MAFK: variants seen among roughly 807,000 people sequenced by gnomAD.
MAFK encodes the protein MAF bZIP transcription factor K.
MAFK carries 1 observed loss-of-function variant against 9.2 expected under a neutral mutation model. That is an observed-to-expected ratio of 0.11 (90% CI 0.04 to 0.52). The LOEUF (loss-of-function observed/expected upper bound fraction) is 0.52, where lower values mean the gene tolerates loss of function less well. Ranked by LOEUF, MAFK falls within the 20% of genes least tolerant of loss-of-function variation. The probability of loss-of-function intolerance (pLI) is 0.94; values close to 1 mark genes in which losing one functional copy is unlikely to be tolerated. For synonymous variants in MAFK, 110 were observed against 107.4 expected (o/e 1.02, Z -0.15); for missense variants, 207 against 236.0 (o/e 0.88, Z 0.81).
Position 1,530,890 on chromosome 7 carries a change from C to G in MAFK, c.-53C>G, listed in dbSNP as rs1289480703. ...CCGCCGCGCGCCCGCGCCCTCCGCG[C>G]GACGCCAGGTGAGGGGCGGTGGGGC... On this transcript the variant is annotated 5_prime_UTR_variant, in exon 1 of 3. Transcript: ENST00000343242. 7.1e-6 allele frequency: 1 copy of G among 140,384 alleles called. No individual in the cohort carries two copies. Among genetic ancestry groups the G allele is most frequent in the East Asian group, 2.2e-4 (1 of 4,602 alleles). The allele number at this position is 140,384 out of a possible 1,614,324, so 8.7% of individuals were successfully genotyped here. A position where few individuals can be genotyped will look rare whatever the true frequency, so the allele number is the denominator to read the frequency against.
In MAFK at chr7:1,530,762, G is replaced by C. The variant is rs1018187869; in HGVS notation, c.-181G>C. On this transcript the variant is annotated 5_prime_UTR_variant, in exon 1 of 3. Transcript: ENST00000343242. ...GGCGGCGGGCGGCGCGGGGGCACTT[G>C]TTGTTCTTCGCGAAGTCGGAGCCCG... 13 of 149,170 alleles carry C rather than the reference G, an allele frequency of 8.7e-5. No individual in the cohort carries two copies. The highest frequency in any genetic ancestry group is 2.9e-4 in the African/African-American group (12 of 40,968). 9.2% of individuals were successfully genotyped at this position (149,170 alleles called of 1,614,324 possible). A position where few individuals can be genotyped will look rare whatever the true frequency, so the allele number is the denominator to read the frequency against.
In MAFK at chr7:1,540,881, A is replaced by AC; in HGVS notation, c.*506_*507insC. 1 of 158,652 alleles carries AC rather than the reference A, an allele frequency of 6.3e-6. No individual in the cohort carries two copies. Among genetic ancestry groups the AC allele is most frequent in the Non-Finnish European group, 1.4e-5 (1 of 72,184 alleles). 9.8% of individuals were successfully genotyped at this position (158,652 alleles called of 1,614,324 possible). A position where few individuals can be genotyped will look rare whatever the true frequency, so the allele number is the denominator to read the frequency against. Reference sequence around the variant, plus strand: ...GACTCCGCAGTCCCCGGGGAGGAGCATGGATGGTGTGTCGGCAGCTCCGTC... The same window carrying AC: ...GACTCCGCAGTCCCCGGGGAGGAGCACTGGATGGTGTGTCGGCAGCTCCGTC... On this transcript the variant is annotated 3_prime_UTR_variant, in exon 3 of 3. Coordinates refer to ENST00000343242, the MANE Select transcript of MAFK (RefSeq NM_002360.4).
intron 1 of MAFK, chr7:1,538,303 C>T (rs1032456583): frequency 1.0e-5 from 10 of 985,456 alleles, no homozygotes; most frequent in Non-Finnish European, 1.1e-5. Context: ...AAATGCTCGG[C>T]AGGGCGGCGG....
In MAFK at chr7:1,540,003, G is replaced by A. The variant is rs766542520; in HGVS notation, c.99G>A (p.Ser33=). Residue 33 remains serine (S), a synonymous_variant, in exon 3 of 3, where the codon TCG becomes TCA. Transcript: ENST00000343242. ...GCGATGATGAGCTGGTGTCCATGTC[G>A]GTGCGGGAGCTGAACCAGCACCTGC... ...VLSDDELVSM[S]VRELNQHLRG... The A allele has an allele frequency of 4.1e-5, 64 of 1,557,552 alleles. 1 individual carries two copies. The highest frequency in any genetic ancestry group is 7.2e-5 in the East Asian group (3 of 41,550).
chr7:1,537,777 G>A (rs1026515691), intron 1 of MAFK: 15 of 882,708 alleles, frequency 1.7e-5, no homozygotes, highest in Non-Finnish European at 1.9e-5. Context: ...GAGGGTGGAG[G>A]GATTTGGGCC....
intron 1 of MAFK, 144 bp from the exon 2 acceptor site, chr7:1,539,005 C>T: frequency 3.0e-6 from 2 of 676,956 alleles, no homozygotes; most frequent in South Asian, 1.7e-5. Flanking sequence ...ACGGGCTGGG[C>T]CCGGATGGTG....
Position 1,534,567 on chromosome 7 carries a change from C to T in MAFK, c.-45+3669C>T. 1 of 456,452 alleles carries T rather than the reference C, an allele frequency of 2.2e-6. No homozygotes were observed. Among genetic ancestry groups the T allele is most frequent in the Non-Finnish European group, 4.4e-6 (1 of 226,902 alleles). The allele number at this position is 456,452 out of a possible 1,614,324, so 28.3% of individuals were successfully genotyped here. On this transcript the variant is annotated intron_variant, in intron 1 of 2. Coordinates refer to ENST00000343242, the MANE Select transcript of MAFK (RefSeq NM_002360.4). This position sits in a 1 kb window ranked among gnomAD's most constrained non-coding sequence, Gnocchi z 4.3. ...GCTCCCGTCCTCCGTTCCTGGTCTT[C>T]CTCCTGCCCCTCCTCCCTCTCCCGC...
intron 1 of MAFK, chr7:1,538,520 C>A (rs981972107): frequency 3.8e-6 from 3 of 791,042 alleles, no homozygotes; most frequent in Admixed American, 6.2e-5. Context: ...CCACCCAGGC[C>A]CACCGTGGGG....
rs1392046110 is a variant in MAFK at position 1,534,907 on chromosome 7, T to C, written c.-45+4009T>C. 6.7e-6 allele frequency among the ~76,000 whole-genome samples: 1 copy of C among 149,302 alleles called. No individual in the cohort carries two copies. Among genetic ancestry groups the C allele is most frequent in the East Asian group, 2.0e-4 (1 of 5,124 alleles). On this transcript the variant is annotated intron_variant, in intron 1 of 2. Transcript: ENST00000343242. This position sits in a 1 kb window ranked among gnomAD's most constrained non-coding sequence, Gnocchi z 4.3. Reference sequence around the variant, plus strand: ...CTCAACTCACTTTTGCACTCTCTCTTTTTTTTTTTCCTAAAAGATAAGGTC... The same window carrying C: ...CTCAACTCACTTTTGCACTCTCTCTCTTTTTTTTTCCTAAAAGATAAGGTC...
chr7:1,536,905 G>T (rs980281876), intron 1 of MAFK, among the ~76,000 whole-genome samples: 10 of 152,222 alleles, frequency 6.6e-5, no homozygotes, highest in Non-Finnish European at 1.3e-4. Context: ...GAGGTGGGGG[G>T]CAGGCTTGCG....
chr7:1,535,545 C>T (rs1434501529), intron 1 of MAFK, among the ~76,000 whole-genome samples: 2 of 152,190 alleles, frequency 1.3e-5, no homozygotes, highest in Non-Finnish European at 2.9e-5. Flanking sequence ...GTCCCAGCTG[C>T]TCGGGAGGCT....
chr7:1,532,466 A>G lies in MAFK; in HGVS notation c.-45+1568A>G, dbSNP rs1783926593. On this transcript the variant is annotated intron_variant, in intron 1 of 2. Coordinates refer to ENST00000343242, the MANE Select transcript of MAFK (RefSeq NM_002360.4). This position sits in a 1 kb window ranked among gnomAD's most constrained non-coding sequence, Gnocchi z 4.5. ...AGACCTCTCATTATTCCAAAATAAG[A>G]CATTTATTAAAGCAGAAAAACCAGG... Among the ~76,000 whole-genome samples the G allele has an allele frequency of 6.6e-6, 1 of 152,214 alleles. No individual in the cohort carries two copies. Among genetic ancestry groups the G allele is most frequent in the Non-Finnish European group, 1.5e-5 (1 of 68,046 alleles).
In MAFK at chr7:1,539,235, C is replaced by T; in HGVS notation, c.36+7C>T. ...ACCGAATAAGGCATTAAAGGTAAGG[C>T]TGGTTCCAAGCAGGCCCCGTCTCAA... On this transcript the variant is annotated splice_region_variant and intron_variant, in intron 2 of 2. Coordinates refer to ENST00000343242, the MANE Select transcript of MAFK (RefSeq NM_002360.4). The T allele has an allele frequency of 6.2e-7, 1 of 1,609,678 alleles. No individual in the cohort carries two copies. Among genetic ancestry groups the T allele is most frequent in the Non-Finnish European group, 8.5e-7 (1 of 1,177,986 alleles).
At position 1,534,323 on chromosome 7, in the gene MAFK, TG is replaced by T. The variant is rs1562543624; in HGVS notation, c.-45+3428del. On this transcript the variant is annotated intron_variant, in intron 1 of 2. Coordinates refer to ENST00000343242, the MANE Select transcript of MAFK (RefSeq NM_002360.4). This position sits in a 1 kb window ranked among gnomAD's most constrained non-coding sequence, Gnocchi z 4.3. ...TGACACCTGTTTGACAGGCACCCACTGGGTACCAGTGCCACAGCGGCCCCAC... is the reference window on the plus strand; with the variant it reads ...TGACACCTGTTTGACAGGCACCCACTGGTACCAGTGCCACAGCGGCCCCAC... 2.2e-6 allele frequency: 1 copy of T among 455,142 alleles called. No individual in the cohort carries two copies. The allele number at this position is 455,142 out of a possible 1,614,324, so 28.2% of individuals were successfully genotyped here. A position where few individuals can be genotyped will look rare whatever the true frequency, so the allele number is the denominator to read the frequency against.
At chr7:1,537,325 G>A (rs1268982323) in intron 1 of MAFK, 3 of 953,476 alleles carry the variant, frequency 3.1e-6, no homozygotes, top group Non-Finnish European at 3.7e-6. Flanking sequence ...AGGCCCGGGT[G>A]TGTGGGAATG....
intron 1 of MAFK, among the ~76,000 whole-genome samples, chr7:1,533,296 G>A (rs1783945425): frequency 6.6e-6 from 1 of 152,218 alleles, no homozygotes; most frequent in South Asian, 2.1e-4. Context: ...TGCGGGGCCG[G>A]CTCATCTCGT....
In MAFK at chr7:1,540,348, C is replaced by G. The variant is rs1469449076; in HGVS notation, c.444C>G (p.Thr148=). 1.9e-6 allele frequency: 3 copies of G among 1,602,704 alleles called. No homozygotes were observed. Among genetic ancestry groups the G allele is most frequent in the Non-Finnish European group, 2.6e-6 (3 of 1,172,770 alleles). Residue 148 remains threonine (T), a synonymous_variant, in exon 3 of 3, where the codon ACC becomes ACG. Coordinates refer to ENST00000343242, the MANE Select transcript of MAFK (RefSeq NM_002360.4). ...TIVKSTELSS[T]SVPFSAAS ...TCAAGTCCACCGAGCTCTCCTCCAC[C>G]TCCGTGCCCTTCTCGGCTGCATCCT...
At position 1,539,158 on chromosome 7, in the gene MAFK, C is replaced by G; in HGVS notation, c.-35C>G. The G allele has an allele frequency of 1.2e-6, 2 of 1,612,888 alleles. No homozygotes were observed. The highest frequency in any genetic ancestry group is 1.7e-6 in the Non-Finnish European group (2 of 1,179,436). ...TGTCCATGTTTTCCAGCTACGAGTT[C>G]CAGGGAGCTCTGTCCTGGTGACCGT... is the stretch of plus-strand genomic sequence containing the variant. On this transcript the variant is annotated 5_prime_UTR_variant, in exon 2 of 3. Coordinates refer to ENST00000343242, the MANE Select transcript of MAFK (RefSeq NM_002360.4).
chr7:1,539,275 A>G, intron 2 of MAFK, 47 bp downstream of exon 2: 3 of 1,523,530 alleles, frequency 2.0e-6, no homozygotes, highest in South Asian at 2.3e-5. Flanking sequence ...AGGCGTGGGA[A>G]AGGCCCCCGG....
Sources: gnomAD v4.1 joint callset for allele counts (sites outside exome capture counted in the v4.1 genomes callset) on GRCh38, gnomAD v4.1.1 for gene constraint, Gnocchi (gnomAD v3.1) non-coding constraint, MANE v1.5 for transcripts, NCBI Gene and HGNC (gene_info 2026-07-23, HGNC 2026-07-21) for gene names.